SNORC: variants seen among roughly 807,000 people sequenced by gnomAD.
SNORC encodes secondary ossification center associated regulator of chondrocyte maturation, also known as protein SNORC.
Under a neutral mutation model 9.7 loss-of-function variants are expected in SNORC, and 11 were observed. The observed-to-expected ratio is 1.14, with a 90% CI of 0.72 to 1.88. SNORC has a LOEUF of 1.88. Ranked by LOEUF, SNORC falls within the 40% of genes most tolerant of loss-of-function variation. The probability of loss-of-function intolerance (pLI) is 0.00; values close to 1 mark genes in which losing one functional copy is unlikely to be tolerated. For synonymous variants in SNORC, 108 were observed against 88.7 expected, an observed-to-expected ratio of 1.22 and a Z score of -1.22; for missense variants, 197 against 173.1, an observed-to-expected ratio of 1.14 and a Z score of -0.77.
chr2:232,870,189 G>T (rs1224944877), upstream of SNORC: 10 of 685,752 alleles, frequency 1.5e-5, no homozygotes, highest in Admixed American at 2.1e-4. Flanking sequence ...GAGCGGGGGG[G>T]TGGGGAGGTG....
downstream of SNORC, chr2:232,877,060 C>T: frequency 1.0e-6 from 1 of 985,858 alleles, no homozygotes; most frequent in Non-Finnish European, 1.2e-6. Flanking sequence ...GACTCTGAGT[C>T]CTGCAGCCAG....
At chr2:232,866,458 G>GGTAGCTGT (rs1385115250), upstream of SNORC, among the ~76,000 whole-genome samples, 2 of 152,128 alleles carry the variant, frequency 1.3e-5, no homozygotes, top group African/African-American at 2.4e-5. Flanking sequence ...CCCTTCTTTT[G>GGTAGCTGT]GTAGCTGTGT....
downstream of SNORC, chr2:232,876,796 C>T: frequency 1.0e-6 from 1 of 985,328 alleles, no homozygotes. The surrounding 1 kb of genome is among the most constrained non-coding windows in gnomAD (Gnocchi z 6.8). Flanking sequence ...CGGTCAGGGC[C>T]ACGCCACGGG....
At chr2:232,874,640 C>G (rs140868500) in intron 1 of SNORC, among the ~76,000 whole-genome samples, 8 of 152,368 alleles carry the variant, frequency 5.3e-5, no homozygotes, top group African/African-American at 1.9e-4. Context: ...TGTGTCTTCT[C>G]GAGCATCCGC....
intron 1 of SNORC, among the ~76,000 whole-genome samples, chr2:232,875,094 C>T (rs886747626): frequency 2.8e-4 from 43 of 152,312 alleles, no homozygotes; most frequent in African/African-American, 1.0e-3. Flanking sequence ...AATCGCAGCA[C>T]TTTGGGAGGC....
chr2:232,872,786 G>A (rs933186474), intron 1 of SNORC, among the ~76,000 whole-genome samples: 3 of 152,184 alleles, frequency 2.0e-5, no homozygotes, highest in Non-Finnish European at 4.4e-5. Flanking sequence ...GGATGGATTT[G>A]GGGGAAGATG....
In SNORC at chr2:232,876,012, T is replaced by A. The variant is rs932278441; in HGVS notation, c.146T>A (p.Val49Glu). The A allele has an allele frequency of 5.2e-6, 8 of 1,551,628 alleles. No homozygotes were observed. Among genetic ancestry groups the A allele is most frequent in the East Asian group, 4.8e-5 (2 of 41,552 alleles). The change falls in exon 2 of 3, where the codon GTG becomes GAG. Residue 49 changes from valine to glutamate, a missense_variant. Transcript: ENST00000331342. The surrounding 1 kb of genome is among the most constrained non-coding windows in gnomAD (Gnocchi z 6.8). Reference sequence around the variant, plus strand: ...GAGCTGCCGTCGGGAGAAGGCCCCGTGGAGAGCACCAGCCCCGGCCGGGAG... The same window carrying A: ...GAGCTGCCGTCGGGAGAAGGCCCCGAGGAGAGCACCAGCCCCGGCCGGGAG...
At chr2:232,866,895 G>T (rs914034773), upstream of SNORC, among the ~76,000 whole-genome samples, 5 of 152,140 alleles carry the variant, frequency 3.3e-5, no homozygotes, top group Non-Finnish European at 7.4e-5. Flanking sequence ...TATATTTTTA[G>T]TAGAGACTAT....
chr2:232,877,275 C>T (rs1490084894), downstream of SNORC: 1 of 985,346 alleles, frequency 1.0e-6, no homozygotes, highest in Non-Finnish European at 1.2e-6. Flanking sequence ...GCTCTACTCA[C>T]CTCACTTCAC....
upstream of SNORC, among the ~76,000 whole-genome samples, chr2:232,868,057 C>T (rs1690909996): frequency 6.6e-6 from 1 of 152,034 alleles, no homozygotes; most frequent in South Asian, 2.1e-4. Context: ...GATTTCTGCT[C>T]ACCTGTTCAT....
upstream of SNORC, among the ~76,000 whole-genome samples, chr2:232,866,495 TG>T (rs1690883036): frequency 1.3e-5 from 2 of 152,234 alleles, no homozygotes; most frequent in African/African-American, 4.8e-5. Context: ...GCATGTTTTG[TG>T]GACCTGCACT....
chr2:232,870,320 G>A (rs1293756893), exon 1 of SNORC: 37 of 1,551,514 alleles, frequency 2.4e-5, no homozygotes, highest in African/African-American at 2.7e-5. Context: ...CCCGCCCGCC[G>A]CTGCCCTCAC....
At chr2:232,870,403 C>T (rs371963662) in exon 1 of SNORC, 279 of 1,570,034 alleles carry the variant, frequency 1.8e-4, no homozygotes, top group Non-Finnish European at 2.2e-4. Flanking sequence ...CTGGCCCCTG[C>T]GGTGCTCACA....
chr2:232,876,112 C>G lies in SNORC; in HGVS notation c.246C>G (p.Asp82Glu), dbSNP rs200671292. 2 of 1,499,362 alleles carry G rather than the reference C, an allele frequency of 1.3e-6. No homozygotes were observed. Among genetic ancestry groups the G allele is most frequent in the South Asian group, 1.2e-5 (1 of 80,868 alleles). The allele number at this position is 1,499,362 out of a possible 1,614,324, so 92.9% of individuals were successfully genotyped here. ...ACAGCACCGCGCAGGAGCGGCTGGA[C>G]CAGGGCGGCGGTACGGGCGGGGCGG... Residue 82 changes from aspartate (D) to glutamate (E), a missense_variant, in exon 2 of 3, where the codon GAC becomes GAG. Coordinates refer to ENST00000331342, the Ensembl canonical transcript of SNORC. This position sits in a 1 kb window ranked among gnomAD's most constrained non-coding sequence, Gnocchi z 6.8.
downstream of SNORC, chr2:232,876,877 C>G: frequency 1.0e-6 from 1 of 985,566 alleles, no homozygotes; most frequent in Middle Eastern, 5.2e-4. The surrounding 1 kb of genome is among the most constrained non-coding windows in gnomAD (Gnocchi z 6.8). Context: ...TCCCCGGGGC[C>G]TGCCTCCCAT....
At chr2:232,877,224 C>G (rs1010546922), downstream of SNORC, 13 of 985,398 alleles carry the variant, frequency 1.3e-5, no homozygotes, top group African/African-American at 1.9e-4. Context: ...AGCCCCCACG[C>G]CCACGGTTGG....
rs1337429532 is a variant in SNORC at position 232,876,052 on chromosome 2, TC to T, written c.191del (p.Pro64GlnfsTer34). ...CCGGCCGGGAGCCCGTGGACACCGG[TC>T]CCCCAGCCCCCACCGTCGCGCCAGG... On this transcript the variant is annotated frameshift_variant, in exon 2 of 3. Transcript: ENST00000331342. LOFTEE classifies it high-confidence loss of function. This position sits in a 1 kb window ranked among gnomAD's most constrained non-coding sequence, Gnocchi z 6.8. 6.5e-7 allele frequency: 1 copy of T among 1,538,976 alleles called. No homozygotes were observed. Among genetic ancestry groups the T allele is most frequent in the Non-Finnish European group, 8.7e-7 (1 of 1,147,026 alleles).
At chr2:232,872,583 C>T (rs772452282) in intron 1 of SNORC, among the ~76,000 whole-genome samples, 1 of 152,208 alleles carries the variant, frequency 6.6e-6, no homozygotes, top group Non-Finnish European at 1.5e-5. Context: ...GGCCTCATTA[C>T]CGCCATGGAA....
At chr2:232,876,797 A>G (rs1264227975), downstream of SNORC, 2 of 985,110 alleles carry the variant, frequency 2.0e-6, no homozygotes, top group Non-Finnish European at 2.4e-6. The surrounding 1 kb of genome is among the most constrained non-coding windows in gnomAD (Gnocchi z 6.8). Context: ...GGTCAGGGCC[A>G]CGCCACGGGC....
Sources: gnomAD v4.1 joint callset for allele counts (sites outside exome capture counted in the v4.1 genomes callset) on GRCh38, gnomAD v4.1.1 for gene constraint, Gnocchi (gnomAD v3.1) non-coding constraint, MANE v1.5 for transcripts, NCBI Gene and HGNC (gene_info 2026-07-23, HGNC 2026-07-21) for gene names.